The following C3orf49 variants were observed in gnomAD, a reference collection of about 807,000 sequenced individuals.
C3orf49 encodes the protein chromosome 3 open reading frame 49, also known as putative uncharacterized protein C3orf49.
Under a neutral mutation model 13.3 loss-of-function variants are expected in C3orf49, and 27 were observed. That is an observed-to-expected ratio of 2.02 (90% CI 1.49 to 2.79). The LOEUF (loss-of-function observed/expected upper bound fraction) is 2.79. Ranked by LOEUF, C3orf49 falls within the 30% of genes most tolerant of loss-of-function variation. The pLI, the probability that C3orf49 is intolerant of heterozygous loss-of-function variation, is 0.00. For missense variants in C3orf49, 242 were observed against 134.2 expected, an observed-to-expected ratio of 1.80 and a Z score of -3.97; for synonymous variants, 87 against 47.6, an observed-to-expected ratio of 1.83 and a Z score of -3.40.
the C3orf49 span, among the ~76,000 whole-genome samples, chr3:63,803,615 T>C: frequency 6.6e-6 from 1 of 152,182 alleles, no homozygotes; most frequent in African/African-American, 2.4e-5. Flanking sequence ...TCACGTGCCA[T>C]GGGGACCATG....
At chr3:63,823,109 T>A (rs1317018975) in intron 1 of C3orf49, 141 bp from the exon 2 acceptor site, 8 of 576,676 alleles carry the variant, frequency 1.4e-5, no homozygotes, top group Non-Finnish European at 2.1e-5. Flanking sequence ...TTTTCTGTGA[T>A]TTGATTCTTG....
At chr3:63,821,788 T>C (rs1468844034) in intron 1 of C3orf49, among the ~76,000 whole-genome samples, 1 of 152,078 alleles carries the variant, frequency 6.6e-6, no homozygotes, top group Admixed American at 6.6e-5. Flanking sequence ...GATGCCGGTT[T>C]AAGAAAGGGG....
chr3:63,835,127 A>C, intron 5 of C3orf49: 11 of 1,608,972 alleles, frequency 6.8e-6, no homozygotes, highest in Non-Finnish European at 9.3e-6. Context: ...CTTCATAAGC[A>C]TTTACTTTGA....
the C3orf49 span, among the ~76,000 whole-genome samples, chr3:63,793,626 A>G: frequency 6.6e-6 from 1 of 151,790 alleles, no homozygotes; most frequent in African/African-American, 2.4e-5. Flanking sequence ...CACTGCCACT[A>G]TTTAAAATTC....
At chr3:63,841,680 T>C (rs894428487) in intron 5 of C3orf49, among the ~76,000 whole-genome samples, 2 of 152,218 alleles carry the variant, frequency 1.3e-5, no homozygotes, top group African/African-American at 4.8e-5. Context: ...AATTTTATAT[T>C]TTAAAAATAC....
intron 5 of C3orf49, among the ~76,000 whole-genome samples, chr3:63,835,967 G>A (rs933878210): frequency 2.2e-4 from 34 of 151,876 alleles, no homozygotes; most frequent in African/African-American, 7.2e-4. Flanking sequence ...TTTATTATGT[G>A]TCTTTTCACT....
chr3:63,800,470 T>TATAATA, the C3orf49 span, among the ~76,000 whole-genome samples: 12 of 151,758 alleles, frequency 7.9e-5, no homozygotes, highest in Admixed American at 3.3e-4. Context: ...CCATTAAACC[T>TATAATA]ATAATAATAA....
chr3:63,782,747 G>A, the C3orf49 span: 1 of 152,168 alleles, frequency 6.6e-6, no homozygotes, highest in Non-Finnish European at 1.5e-5. Context: ...GGACAGGCAG[G>A]AACTTAGAAA....
chr3:63,829,235 C>T (rs1701502148), intron 3 of C3orf49, among the ~76,000 whole-genome samples: 8 of 152,102 alleles, frequency 5.3e-5, no homozygotes, highest in Admixed American at 5.2e-4. Context: ...ATAGGGTGAT[C>T]TAATGGACAT....
At chr3:63,793,650 T>C in the C3orf49 span, among the ~76,000 whole-genome samples, 1 of 152,174 alleles carries the variant, frequency 6.6e-6, no homozygotes, top group South Asian at 2.1e-4. Context: ...ATTATCGTTT[T>C]AAAATTGCAA....
rs200847006 is a variant in C3orf49 at position 63,834,169 on chromosome 3, G to A, written c.849+2325G>A. On this transcript the variant is annotated intron_variant, in intron 5 of 6. Transcript: ENST00000295896. Reference sequence around the variant, plus strand: ...ATCTGTTTCCATGCTTGCTTCCTGAGCTTCTTCTACCTCTGAGAGTTTTTC... The same window carrying A: ...ATCTGTTTCCATGCTTGCTTCCTGAACTTCTTCTACCTCTGAGAGTTTTTC... 2.7e-5 allele frequency: 43 copies of A among 1,614,012 alleles called. No individual in the cohort carries two copies. The South Asian group carries it at 3.6e-4, about 14-fold the overall frequency.
chr3:63,832,178 C>T, intron 5 of C3orf49: 1 of 191,928 alleles, frequency 5.2e-6, no homozygotes. Context: ...TGGGCGACAG[C>T]ACAAGACTCC....
At chr3:63,810,485 A>G in the C3orf49 span, among the ~76,000 whole-genome samples, 1 of 152,150 alleles carries the variant, frequency 6.6e-6, no homozygotes, top group Non-Finnish European at 1.5e-5. Context: ...TTTTTTGCTA[A>G]CTGAAGTATA....
At chr3:63,833,081 C>A (rs1269295379) in intron 5 of C3orf49, among the ~76,000 whole-genome samples, 1 of 150,138 alleles carries the variant, frequency 6.7e-6, no homozygotes, top group East Asian at 1.9e-4. Context: ...ATTATAAATT[C>A]TTTATGCAAG....
Position 63,823,579 on chromosome 3 carries a change from T to C in C3orf49, c.445+10T>C, listed in dbSNP as rs928849189. The C allele has an allele frequency of 2.9e-6, 2 of 690,088 alleles. No homozygotes were observed. Among genetic ancestry groups the C allele is most frequent in the Non-Finnish European group, 5.3e-6 (2 of 378,876 alleles). 42.7% of individuals were successfully genotyped at this position (690,088 alleles called of 1,614,324 possible). A position where few individuals can be genotyped will look rare whatever the true frequency, so the allele number is the denominator to read the frequency against. ...AAGCTCTCAGAGAATGGTAATCATA[T>C]TTGGGCAATTTGTCTTTGGGTTGAG... On this transcript the variant is annotated intron_variant, in intron 2 of 6. Transcript: ENST00000295896.
Sources: allele counts gnomAD v4.1 joint callset (sites outside exome capture counted in the v4.1 genomes callset), GRCh38; gene constraint gnomAD v4.1.1; transcripts MANE v1.5; gene names NCBI Gene and HGNC (gene_info 2026-07-23, HGNC 2026-07-21).